The following HHAT variants were observed in gnomAD, a reference collection of about 807,000 sequenced individuals.
The protein encoded by HHAT is protein-cysteine N-palmitoyltransferase HHAT.
HHAT carries 47 observed loss-of-function variants against 70.8 expected under a neutral mutation model. The observed-to-expected ratio is 0.66, with a 90% CI of 0.53 to 0.85. HHAT has a LOEUF of 0.85. Among genes scored for constraint, HHAT ranks in the 40% least tolerant of loss-of-function variants. The pLI is 0.00. For synonymous variants in HHAT, 228 were observed against 247.6 expected, an observed-to-expected ratio of 0.92 and a Z score of 0.74; for missense variants, 609 against 604.8, an observed-to-expected ratio of 1.01 and a Z score of -0.07.
chr1:210,416,093 CTTG>C (rs1285440556), intron 6 of HHAT, among the ~76,000 whole-genome samples: 1 of 152,172 alleles, frequency 6.6e-6, no homozygotes, highest in African/African-American at 2.4e-5. Flanking sequence ...AGCCTGGCTT[CTTG>C]TTGCGGGAGG....
At chr1:210,372,875 A>G (rs893408247) in intron 3 of HHAT, among the ~76,000 whole-genome samples, 1 of 151,506 alleles carries the variant, frequency 6.6e-6, no homozygotes, top group Non-Finnish European at 1.5e-5. Flanking sequence ...GGATTCTTAC[A>G]TACATGCTTC....
chr1:210,374,330 C>G (rs908309200), intron 3 of HHAT: 1 of 152,158 alleles, frequency 6.6e-6, no homozygotes, highest in South Asian at 2.1e-4. Context: ...GCCGATGGTG[C>G]CTACAGTTCG....
At chr1:210,545,080 TAA>T (rs552542090) in intron 9 of HHAT, among the ~76,000 whole-genome samples, 1 of 145,996 alleles carries the variant, frequency 6.8e-6, no homozygotes, top group Non-Finnish European at 1.5e-5. Flanking sequence ...AGAATGGCTT[TAA>T]AAAAAAAAAA....
Position 210,526,367 on chromosome 1 carries a change from G to GTTTTGTTTTTTTTTGTTTTTTTTTTTTT in HHAT, c.1043+13183_1043+13184insGTTTTTTTTTGTTTTTTTTTTTTTTTTT. On this transcript the variant is annotated intron_variant, in intron 9 of 11. Coordinates refer to ENST00000261458, the MANE Select transcript of HHAT (RefSeq NM_018194.6). ...TAATAAACTAACCAGAGTGGGTTCT[G>GTTTTGTTTTTTTTTGTTTTTTTTTTTTT]TTTTTTTTTTTGCCACTGAGATAAC... Among the ~76,000 whole-genome samples the GTTTTGTTTTTTTTTGTTTTTTTTTTTTT allele has an allele frequency of 1.4e-5, 2 of 142,334 alleles. 1 individual carries two copies. The highest frequency in any genetic ancestry group is 1.4e-4 in the Admixed American group (2 of 14,108). 93.4% of individuals were successfully genotyped at this position (142,334 alleles called of 152,430 possible). A position where few individuals can be genotyped will look rare whatever the true frequency, so the allele number is the denominator to read the frequency against.
At chr1:210,506,060 T>G (rs1037200458) in intron 8 of HHAT, among the ~76,000 whole-genome samples, 6 of 152,118 alleles carry the variant, frequency 3.9e-5, no homozygotes, top group Admixed American at 3.9e-4. Flanking sequence ...CCACCCCTCC[T>G]CCGTCAAAGA....
At chr1:210,591,050 A>G (rs979150342) in intron 10 of HHAT, among the ~76,000 whole-genome samples, 1 of 152,120 alleles carries the variant, frequency 6.6e-6, no homozygotes, top group Non-Finnish European at 1.5e-5. Flanking sequence ...TCAAGCATCT[A>G]TCCTTTCTTT....
chr1:210,589,065 G>A (rs1051366072), intron 10 of HHAT: 2 of 152,054 alleles, frequency 1.3e-5, no homozygotes, highest in Non-Finnish European at 2.9e-5. Flanking sequence ...CTCTAACCCC[G>A]AAAAAAGTAG....
chr1:210,436,019 C>A (rs1267377985), intron 7 of HHAT, among the ~76,000 whole-genome samples: 1 of 151,768 alleles, frequency 6.6e-6, no homozygotes, highest in Non-Finnish European at 1.5e-5. Context: ...TGAGGCCTTG[C>A]CTAGAATCTT....
At chr1:210,456,003 G>T (rs1446873741) in intron 7 of HHAT, among the ~76,000 whole-genome samples, 1 of 151,966 alleles carries the variant, frequency 6.6e-6, no homozygotes, top group East Asian at 1.9e-4. Context: ...AGGTAGAGGA[G>T]AGTGCAAAGC....
intron 8 of HHAT, among the ~76,000 whole-genome samples, chr1:210,485,505 T>C (rs1358002375): frequency 2.0e-5 from 3 of 152,128 alleles, no homozygotes; most frequent in African/African-American, 7.2e-5. Flanking sequence ...GTCCGGGGGC[T>C]GCTTGGATCA....
intron 3 of HHAT, among the ~76,000 whole-genome samples, chr1:210,381,093 C>T (rs769169925): frequency 1.3e-5 from 2 of 151,916 alleles, no homozygotes; most frequent in South Asian, 2.1e-4. Flanking sequence ...GCACAGTCTG[C>T]GGAATTGAAG....
At chr1:210,356,455 G>A (rs2087634258) in intron 2 of HHAT, among the ~76,000 whole-genome samples, 2 of 151,724 alleles carry the variant, frequency 1.3e-5, no homozygotes, top group South Asian at 2.1e-4. Flanking sequence ...CTCTAGCACC[G>A]GGGAGCCCTC....
intron 11 of HHAT, among the ~76,000 whole-genome samples, chr1:210,626,582 A>G (rs548425937): frequency 1.3e-5 from 2 of 152,224 alleles, no homozygotes; most frequent in Admixed American, 6.5e-5. Flanking sequence ...CGCTTCGTCT[A>G]TTCCTTGCTG....
At chr1:210,578,334 AAAAG>A (rs1558200615) in intron 9 of HHAT, among the ~76,000 whole-genome samples, 1 of 152,212 alleles carries the variant, frequency 6.6e-6, no homozygotes, top group Non-Finnish European at 1.5e-5. Context: ...TTCTAGAAAA[AAAAG>A]ATAACAGATG....
At chr1:210,651,463 C>T (rs1675133155) in intron 11 of HHAT, among the ~76,000 whole-genome samples, 1 of 152,130 alleles carries the variant, frequency 6.6e-6, no homozygotes, top group South Asian at 2.1e-4. Context: ...GGAAGAAGTG[C>T]ATCACTAGAA....
At position 210,601,970 on chromosome 1, in the gene HHAT, A is replaced by AGT. The variant is rs10646355; in HGVS notation, c.1245+13886_1245+13887dup. ...GAGAGAGAGAGAGTATGTGTGTGAGAGTGTGTGTGTGTGTGTATGTGTGCA... is the reference window on the plus strand; with the variant it reads ...GAGAGAGAGAGAGTATGTGTGTGAGAGTGTGTGTGTGTGTGTGTATGTGTGCA... On this transcript the variant is annotated intron_variant, in intron 10 of 11. Coordinates refer to ENST00000261458, the MANE Select transcript of HHAT (RefSeq NM_018194.6). 3.0e-3 allele frequency among the ~76,000 whole-genome samples: 453 copies of AGT among 149,246 alleles called. 7 individuals are homozygous for AGT. Among genetic ancestry groups the AGT allele is most frequent in the Non-Finnish European group, 4.4e-3 (297 of 67,332 alleles).
chr1:210,412,712 A>G (rs7530422), intron 6 of HHAT, among the ~76,000 whole-genome samples: 98,623 of 152,092 alleles, frequency 0.65, 33,343 homozygotes, highest in African/African-American at 0.86. Flanking sequence ...GGAGGGGGTT[A>G]TGCCTCCTGC....
chr1:210,552,062 C>T (rs994757998), intron 9 of HHAT, among the ~76,000 whole-genome samples: 1 of 152,216 alleles, frequency 6.6e-6, no homozygotes, highest in Non-Finnish European at 1.5e-5. Context: ...GTTGCTTCGT[C>T]TCCAGCATTA....
At chr1:210,646,428 C>G (rs1439227287) in intron 11 of HHAT, among the ~76,000 whole-genome samples, 1 of 152,226 alleles carries the variant, frequency 6.6e-6, no homozygotes, top group Non-Finnish European at 1.5e-5. Flanking sequence ...GTGCTCTATT[C>G]TAATCCTTTT....
Sources: gnomAD v4.1 joint callset for allele counts (sites outside exome capture counted in the v4.1 genomes callset) on GRCh38, gnomAD v4.1.1 for gene constraint, MANE v1.5 for transcripts, NCBI Gene and HGNC (gene_info 2026-07-23, HGNC 2026-07-21) for gene names.